VPS13B: variants seen among roughly 807,000 people sequenced by gnomAD.
The protein encoded by VPS13B is intermembrane lipid transfer protein VPS13B.
In VPS13B, 285 loss-of-function variants were observed where a neutral mutation model predicts 426.4. That is an observed-to-expected ratio of 0.67 (90% CI 0.61 to 0.74). The LOEUF (loss-of-function observed/expected upper bound fraction) is 0.74. Ranked by LOEUF, VPS13B falls within the 30% of genes least tolerant of loss-of-function variation. The pLI is 0.00. For synonymous variants in VPS13B, 1,676 were observed against 1,676.4 expected, an observed-to-expected ratio of 1.00 and a Z score of 0.01; for missense variants, 4,537 against 4,782.6, an observed-to-expected ratio of 0.95 and a Z score of 1.51.
intron 21 of VPS13B, among the ~76,000 whole-genome samples, chr8:99,394,080 A>T (rs1453885009): frequency 1.3e-5 from 2 of 152,152 alleles, no homozygotes; most frequent in East Asian, 3.9e-4. Context: ...TAACCATCTT[A>T]GCCATTTTCA....
At chr8:99,431,740 A>G in intron 22 of VPS13B, 76 bp downstream of exon 22, 2 of 1,479,150 alleles carry the variant, frequency 1.4e-6, no homozygotes, top group Admixed American at 3.7e-5. Flanking sequence ...TAATATTGGT[A>G]AGACTTTTCT....
At chr8:99,077,899 A>C (rs1845220787) in intron 3 of VPS13B, among the ~76,000 whole-genome samples, 1 of 152,160 alleles carries the variant, frequency 6.6e-6, no homozygotes, top group Non-Finnish European at 1.5e-5. Flanking sequence ...ATATTTAAAA[A>C]AGAAAAAAGT....
Position 99,818,866 on chromosome 8 carries a change from C to T in VPS13B, c.8599C>T (p.His2867Tyr), listed in dbSNP as rs1209472946. 6.2e-6 allele frequency: 10 copies of T among 1,600,020 alleles called. No homozygotes were observed. The highest frequency in any genetic ancestry group is 1.1e-5 in the South Asian group (1 of 90,844). Residue 2867 changes from histidine (H) to tyrosine (Y), a missense_variant, in exon 47 of 62, where the codon CAT becomes TAT. Transcript: ENST00000357162. ...GCAAAACATAGAACCTGACCTTGTA[C>T]ATCACCTGACATTCCAAGCAAGGTA... ...PLQNIEPDLVHHLTFQAREEY... is the reference protein window; with the variant it reads ...PLQNIEPDLVYHLTFQAREEY...
intron 50 of VPS13B, 34 bp downstream of exon 50, chr8:99,821,516 A>G: frequency 6.2e-7 from 1 of 1,611,576 alleles, no homozygotes; most frequent in African/African-American, 1.3e-5. Flanking sequence ...GGGAGGAAAT[A>G]GCATGCCATC....
chr8:99,203,295 CT>C (rs1363256651), intron 17 of VPS13B, among the ~76,000 whole-genome samples: 7 of 152,062 alleles, frequency 4.6e-5, no homozygotes, highest in African/African-American at 1.7e-4. Context: ...CAGAAAAGGC[CT>C]TCAATAAAAT....
chr8:99,161,985 C>T (rs749225433), intron 15 of VPS13B, among the ~76,000 whole-genome samples: 4 of 152,230 alleles, frequency 2.6e-5, no homozygotes, highest in African/African-American at 4.8e-5. Flanking sequence ...CCTCCCACCT[C>T]GACCTCCCAA....
intron 57 of VPS13B, among the ~76,000 whole-genome samples, chr8:99,860,814 T>A (rs943153343): frequency 6.6e-5 from 10 of 152,356 alleles, no homozygotes; most frequent in African/African-American, 2.4e-4. Context: ...AATGCTGAAA[T>A]AGCCCTTCTT....
chr8:99,232,378 A>G (rs1416177678), intron 17 of VPS13B, among the ~76,000 whole-genome samples: 1 of 152,168 alleles, frequency 6.6e-6, no homozygotes, highest in Non-Finnish European at 1.5e-5. Flanking sequence ...CAGATGATCC[A>G]TAATTGCTGT....
At chr8:99,044,414 TTG>T (rs111537008) in intron 3 of VPS13B, among the ~76,000 whole-genome samples, 5 of 148,580 alleles carry the variant, frequency 3.4e-5, no homozygotes, top group Non-Finnish European at 6.0e-5. Context: ...AAGTCAATGT[TTG>T]TGTGTGTGTG....
intron 39 of VPS13B, among the ~76,000 whole-genome samples, chr8:99,762,441 A>G (rs933271648): frequency 1.2e-4 from 18 of 152,198 alleles, no homozygotes; most frequent in African/African-American, 3.6e-4. Context: ...GGCAGTCCAG[A>G]GAGTAGTTAA....
At chr8:99,753,105 C>A (rs530413105) in intron 39 of VPS13B, among the ~76,000 whole-genome samples, 201 of 152,238 alleles carry the variant, frequency 1.3e-3, no homozygotes, top group Non-Finnish European at 1.9e-3. Context: ...TACTAACTTA[C>A]AGAATTACCA....
At chr8:99,715,922 A>C (rs1832897067) in intron 36 of VPS13B, among the ~76,000 whole-genome samples, 1 of 152,102 alleles carries the variant, frequency 6.6e-6, no homozygotes, top group Non-Finnish European at 1.5e-5. Context: ...AAGTTAATAA[A>C]GATGGTTTTT....
rs754498806 is a variant in VPS13B, at chr8:99,134,745, A to C, written c.1302+18A>C. The C allele has an allele frequency of 1.9e-6, 3 of 1,562,842 alleles. No homozygotes were observed. The highest frequency in any genetic ancestry group is 2.3e-5 in the East Asian group (1 of 44,356). ...CAGTTGAGGTAATCTTTCAATATTG[A>C]ACCTGTATTTTTAAATATTTTGTTC... On this transcript the variant is annotated intron_variant, in intron 9 of 61. Coordinates refer to ENST00000357162, the MANE Select transcript of VPS13B (RefSeq NM_152564.5).
At chr8:99,799,787 T>G (rs1321816160) in intron 43 of VPS13B, among the ~76,000 whole-genome samples, 2 of 152,190 alleles carry the variant, frequency 1.3e-5, no homozygotes, top group African/African-American at 2.4e-5. Flanking sequence ...CTGAGAACAG[T>G]TTAAAAGAAA....
intron 13 of VPS13B, 36 bp from the exon 14 acceptor site, chr8:99,147,805 A>G: frequency 7.6e-7 from 1 of 1,312,752 alleles, no homozygotes. Context: ...TTATTTAAAA[A>G]TATTCTTTAT....
intron 17 of VPS13B, among the ~76,000 whole-genome samples, chr8:99,218,893 G>A (rs1357374489): frequency 2.0e-5 from 3 of 152,010 alleles, no homozygotes; most frequent in Non-Finnish European, 4.4e-5. Context: ...ACAGTCGTTT[G>A]CTTTTTGCCC....
In VPS13B at chr8:99,360,355, G is replaced by T. The variant is rs934414699; in HGVS notation, c.2825-23853G>T. On this transcript the variant is annotated intron_variant, in intron 19 of 61. Transcript: ENST00000357162. ...TGCAGTGGCACGATCTCAGCTCAGT[G>T]CAAGCTCCGCCTCCCGGGTTCATTC... Among the ~76,000 whole-genome samples the T allele has an allele frequency of 3.3e-5, 5 of 150,060 alleles. No homozygotes were observed. The East Asian group carries it at 9.9e-4, about 30-fold the overall frequency.
At chr8:99,334,226 C>T (rs1810698895) in intron 19 of VPS13B, among the ~76,000 whole-genome samples, 1 of 152,038 alleles carries the variant, frequency 6.6e-6, no homozygotes, top group African/African-American at 2.4e-5. Context: ...CCATTCATAT[C>T]TTTGCCAATA....
At chr8:99,572,876 A>C (rs1388873142) in intron 31 of VPS13B, among the ~76,000 whole-genome samples, 1 of 152,210 alleles carries the variant, frequency 6.6e-6, no homozygotes, top group Non-Finnish European at 1.5e-5. Context: ...AGGAATCGCC[A>C]CACTGTCTTC....
Sources: gnomAD v4.1 joint callset for allele counts (sites outside exome capture counted in the v4.1 genomes callset) on GRCh38, gnomAD v4.1.1 for gene constraint, MANE v1.5 for transcripts, NCBI Gene and HGNC (gene_info 2026-07-23, HGNC 2026-07-21) for gene names.